The following LMBR1 variants were observed in gnomAD, a reference collection of about 807,000 sequenced individuals.
LMBR1 encodes the protein limb region 1 protein homolog.
A neutral mutation model predicts 73.9 loss-of-function variants in LMBR1; 52 were observed. The ratio of observed to expected loss-of-function variants is 0.70; its 90% CI spans 0.56 to 0.89. The LOEUF is 0.89. Among genes scored for constraint, LMBR1 ranks in the 40% least tolerant of loss-of-function variants. The pLI is 0.00. For synonymous variants in LMBR1, 215 were observed against 209.4 expected (o/e 1.03, Z -0.23); for missense variants, 539 against 579.8 (o/e 0.93, Z 0.72).
chr7:156,732,327 C>T (rs1816994210), intron 10 of LMBR1, among the ~76,000 whole-genome samples: 4 of 152,022 alleles, frequency 2.6e-5, no homozygotes, highest in South Asian at 2.1e-4. Context: ...GTTTCCAGGC[C>T]GTGATGCAGG....
intron 1 of LMBR1, among the ~76,000 whole-genome samples, chr7:156,863,197 T>C (rs931875259): frequency 6.6e-6 from 1 of 152,144 alleles, no homozygotes; most frequent in Non-Finnish European, 1.5e-5. Context: ...GGTCCCACAA[T>C]AGGCCGTCTG....
intron 1 of LMBR1, among the ~76,000 whole-genome samples, chr7:156,874,770 C>T (rs1799912999): frequency 6.6e-6 from 1 of 152,146 alleles, no homozygotes; most frequent in South Asian, 2.1e-4. Context: ...TGTGGAACAC[C>T]CCGGGAGACA....
chr7:156,747,021 A>G (rs537358394), intron 9 of LMBR1, among the ~76,000 whole-genome samples: 1 of 152,258 alleles, frequency 6.6e-6, no homozygotes, highest in Admixed American at 6.5e-5. Flanking sequence ...AAAGCAGCTC[A>G]TTTAAGGTCA....
At chr7:156,745,157 C>T (rs945749326) in intron 9 of LMBR1, among the ~76,000 whole-genome samples, 1 of 152,144 alleles carries the variant, frequency 6.6e-6, no homozygotes, top group Admixed American at 6.5e-5. Flanking sequence ...AAGACTATTT[C>T]TTTTTTTGTT....
intron 1 of LMBR1, among the ~76,000 whole-genome samples, chr7:156,845,770 C>T (rs1051885056): frequency 2.2e-4 from 34 of 152,062 alleles, no homozygotes; most frequent in African/African-American, 8.0e-4. Flanking sequence ...CACTTCCATT[C>T]GCCATGTAGC....
In LMBR1 at chr7:156,670,032, GT is replaced by G. The variant is rs927655900; in HGVS notation, n.867-746del. Among the ~76,000 whole-genome samples the G allele has an allele frequency of 4.6e-5, 7 of 152,048 alleles. No individual in the cohort carries two copies. The highest frequency in any genetic ancestry group is 1.9e-4 in the East Asian group (1 of 5,198). Reference sequence around the variant, plus strand: ...GGCCTCTCTCTCCAGTGGTCATGTAGTTTTTTTTATTTGCTGTTTATTTAAT... The same window carrying G: ...GGCCTCTCTCTCCAGTGGTCATGTAGTTTTTTTATTTGCTGTTTATTTAAT... On this transcript the variant is annotated intron_variant and non_coding_transcript_variant, in intron 4 of 4. Coordinates refer to the LMBR1 transcript ENST00000430825. This position sits in a 1 kb window ranked among gnomAD's most constrained non-coding sequence, Gnocchi z 4.3.
intron 3 of LMBR1, among the ~76,000 whole-genome samples, chr7:156,832,117 C>T (rs1188580086): frequency 1.3e-5 from 2 of 152,062 alleles, no homozygotes; most frequent in African/African-American, 4.8e-5. Context: ...AAGTTTTGGG[C>T]CTAGGTTTTA....
At chr7:156,834,615 G>A in intron 2 of LMBR1, 1 of 207,044 alleles carries the variant, frequency 4.8e-6, no homozygotes, top group South Asian at 6.7e-5. Flanking sequence ...AAAAAAAATT[G>A]TATATATATA....
chr7:156,711,604 A>C (rs1297222525), intron 15 of LMBR1, among the ~76,000 whole-genome samples: 1 of 152,198 alleles, frequency 6.6e-6, no homozygotes, highest in Non-Finnish European at 1.5e-5. Context: ...TTCAAATTAT[A>C]CAACAAGGAT....
At chr7:156,723,946 C>G (rs1052836367) in intron 15 of LMBR1, among the ~76,000 whole-genome samples, 166 bp downstream of exon 15, 1 of 152,022 alleles carries the variant, frequency 6.6e-6, no homozygotes, top group African/African-American at 2.4e-5. Flanking sequence ...AAGTATTTGT[C>G]TTGGTATGCC....
chr7:156,888,409 CAAAAAA>C (rs57071729), intron 1 of LMBR1, among the ~76,000 whole-genome samples: 1 of 91,948 alleles, frequency 1.1e-5, no homozygotes. Flanking sequence ...GACTCTGTCT[CAAAAAA>C]AAAAAAAAAA....
rs59925188 is a variant in LMBR1 at position 156,670,327 on chromosome 7, G to C, written n.867-1040C>G. Among the ~76,000 whole-genome samples, 713 of 152,326 alleles carry C rather than the reference G, an allele frequency of 4.7e-3. 3 individuals carry two copies. Among genetic ancestry groups the C allele is most frequent in the Middle Eastern group, 0.024 (7 of 294 alleles). The stretch of plus-strand genomic sequence containing the variant: ...TCAGGCCCTGCCTTCAGCTCACTGA[G>C]GAGTCAGGTCTGCAAGGGGGGCCCT... On this transcript the variant is annotated intron_variant and non_coding_transcript_variant, in intron 4 of 4. Coordinates refer to the LMBR1 transcript ENST00000430825. The surrounding 1 kb of genome is among the most constrained non-coding windows in gnomAD (Gnocchi z 4.3).
rs1199027302 is a variant in LMBR1 at position 156,670,301 on chromosome 7, G to A, written n.867-1014C>T. Among the ~76,000 whole-genome samples, 1 of 152,164 alleles carries A rather than the reference G, an allele frequency of 6.6e-6. No homozygotes were observed. Among genetic ancestry groups the A allele is most frequent in the Non-Finnish European group, 1.5e-5 (1 of 68,030 alleles). ...TGGCTCTTGATACACACACATTCTAGTCAGGCCCTGCCTTCAGCTCACTGA... is the reference window on the plus strand; with the variant it reads ...TGGCTCTTGATACACACACATTCTAATCAGGCCCTGCCTTCAGCTCACTGA... On this transcript the variant is annotated intron_variant and non_coding_transcript_variant, in intron 4 of 4. Transcript: ENST00000430825. This position sits in a 1 kb window ranked among gnomAD's most constrained non-coding sequence, Gnocchi z 4.3.
intron 12 of LMBR1, 51 bp from the exon 13 acceptor site, chr7:156,725,888 G>C (rs1487859683): frequency 7.1e-7 from 1 of 1,413,432 alleles, no homozygotes. Flanking sequence ...CATTATATTG[G>C]TTTCCCTAAA....
At chr7:156,761,430 G>C (rs1354020278) in intron 8 of LMBR1, among the ~76,000 whole-genome samples, 1 of 152,038 alleles carries the variant, frequency 6.6e-6, no homozygotes, top group African/African-American at 2.4e-5. Flanking sequence ...AATTAATCGA[G>C]ACACAATATG....
chr7:156,865,063 T>C lies in LMBR1; in HGVS notation c.66+27865A>G, dbSNP rs568243465. Among the ~76,000 whole-genome samples, 7 of 150,118 alleles carry C rather than the reference T, an allele frequency of 4.7e-5. No individual in the cohort carries two copies. In the South Asian group the frequency reaches 1.5e-3, roughly 32 times the overall value. On this transcript the variant is annotated intron_variant, in intron 1 of 16. Coordinates refer to ENST00000353442, the MANE Select transcript of LMBR1 (RefSeq NM_022458.4). ...TGGCTCATGCTGTAAAACCAGAACT[T>C]TGGGAGGTCAAGGCAGGAGGATCGC... is the stretch of plus-strand genomic sequence containing the variant.
chr7:156,816,386 A>C (rs76418183), intron 4 of LMBR1, among the ~76,000 whole-genome samples: 4,834 of 152,178 alleles, frequency 0.032, 123 homozygotes, highest in South Asian at 0.084. Flanking sequence ...TTGTATTTTT[A>C]GTAGTGATGG....
intron 1 of LMBR1, among the ~76,000 whole-genome samples, chr7:156,846,369 T>TG (rs76478044): frequency 0.46 from 69,553 of 151,928 alleles, 16,154 homozygotes; most frequent in East Asian, 0.61. Context: ...CACTCCAGCC[T>TG]GGCAACAGAG....
At chr7:156,738,508 G>C (rs1158806298) in intron 9 of LMBR1, among the ~76,000 whole-genome samples, 1 of 152,164 alleles carries the variant, frequency 6.6e-6, no homozygotes, top group Non-Finnish European at 1.5e-5. Context: ...CTAAGGGAGA[G>C]GTTGCACCAC....
Sources: gnomAD v4.1 joint callset for allele counts (sites outside exome capture counted in the v4.1 genomes callset) on GRCh38, gnomAD v4.1.1 for gene constraint, Gnocchi (gnomAD v3.1) non-coding constraint, MANE v1.5 for transcripts, NCBI Gene and HGNC (gene_info 2026-07-23, HGNC 2026-07-21) for gene names.